The following FRY variants were observed in gnomAD, a reference collection of about 807,000 sequenced individuals.
FRY encodes protein furry homolog.
Under a neutral mutation model 348.4 loss-of-function variants are expected in FRY, and 128 were observed. The observed-to-expected ratio is 0.37, with a 90% CI of 0.32 to 0.43. The LOEUF (loss-of-function observed/expected upper bound fraction) is 0.43. Among genes scored for constraint, FRY ranks in the 20% least tolerant of loss-of-function variants. The pLI is 1.00. For missense variants in FRY, 2,736 were observed against 3,695.2 expected (o/e 0.74, Z 6.73); for synonymous variants, 1,370 against 1,374.7 (o/e 1.00, Z 0.08).
At chr13:32,093,543 T>G (rs1358515013) in intron 2 of FRY, among the ~76,000 whole-genome samples, 1 of 152,240 alleles carries the variant, frequency 6.6e-6, no homozygotes, top group Non-Finnish European at 1.5e-5. Flanking sequence ...AAATTGGAAA[T>G]TAGATAGAAA....
At chr13:32,193,957 T>C (rs1191886367) in intron 28 of FRY, among the ~76,000 whole-genome samples, 186 bp from the exon 29 acceptor site, 1 of 152,216 alleles carries the variant, frequency 6.6e-6, no homozygotes, top group Non-Finnish European at 1.5e-5. Flanking sequence ...TCAAATTTAA[T>C]GTATACATTT....
In FRY at chr13:32,165,154, A is replaced by C. The variant is rs9595045; in HGVS notation, c.1892+3903A>C. Among the ~76,000 whole-genome samples the C allele has an allele frequency of 3.7e-3, 571 of 152,322 alleles. 4 individuals are homozygous for C. The highest frequency in any genetic ancestry group is 0.013 in the African/African-American group (561 of 41,574). On this transcript the variant is annotated intron_variant, in intron 17 of 60. Transcript: ENST00000542859. The stretch of plus-strand genomic sequence containing the variant: ...TTGCCCAAATTTATAGAATTTTCCA[A>C]ATGTCATTGGTTTTATGCAAAATAA...
intron 41 of FRY, among the ~76,000 whole-genome samples, chr13:32,233,005 T>TA (rs113731882): frequency 2.1e-4 from 32 of 150,410 alleles, no homozygotes; most frequent in African/African-American, 3.4e-4. Flanking sequence ...CTTCCACATA[T>TA]AAAAAAAAAT....
In FRY at chr13:32,157,285, A is replaced by T; in HGVS notation, c.1664A>T (p.Tyr555Phe). ...EEAKMIGMSL[Y>F]YSQVRKAVDN... The stretch of plus-strand genomic sequence containing the variant: ...GCATGTTTTTCAGGCATGTCCTTAT[A>T]TTACTCTCAAGTACGAAAAGCTGTA... Residue 555 changes from tyrosine to phenylalanine, a missense_variant, in exon 16 of 61, where the codon TAT becomes TTT. This residue lies in a region of FRY where 191 missense variants were observed against 370.2 expected (regional missense o/e 0.52). Transcript: ENST00000542859. 6.2e-7 allele frequency: 1 copy of T among 1,612,426 alleles called. No homozygotes were observed. Among genetic ancestry groups the T allele is most frequent in the Non-Finnish European group, 8.5e-7 (1 of 1,178,642 alleles).
chr13:32,176,627 TG>T (rs1194693243), intron 20 of FRY, among the ~76,000 whole-genome samples: 6 of 152,226 alleles, frequency 3.9e-5, no homozygotes, highest in Non-Finnish European at 4.4e-5. Flanking sequence ...TGACATGGAA[TG>T]GAATACTAAG....
intron 4 of FRY, among the ~76,000 whole-genome samples, chr13:32,121,423 G>A (rs557601774): frequency 2.0e-5 from 3 of 152,104 alleles, no homozygotes; most frequent in East Asian, 1.9e-4. Context: ...CTGCATCCAC[G>A]CCAACATCTA....
chr13:32,250,116 G>A (rs1887002054), intron 49 of FRY, among the ~76,000 whole-genome samples: 1 of 152,168 alleles, frequency 6.6e-6, no homozygotes, highest in African/African-American at 2.4e-5. Flanking sequence ...CACGGAACAG[G>A]CACCTCAACC....
intron 55 of FRY, among the ~76,000 whole-genome samples, chr13:32,273,714 G>C (rs539620257): frequency 2.6e-5 from 4 of 152,114 alleles, no homozygotes; most frequent in Non-Finnish European, 5.9e-5. Context: ...CTGTCTCAAG[G>C]AGCTCTGATC....
intron 11 of FRY, among the ~76,000 whole-genome samples, chr13:32,145,888 T>C (rs937980648): frequency 3.3e-5 from 5 of 152,194 alleles, no homozygotes; most frequent in Non-Finnish European, 7.3e-5. Context: ...CTGGTCTCCC[T>C]GCCTCTGCTC....
In FRY at chr13:32,296,437, T is replaced by TCTTAAGTTCTCTCCTTAAA. The variant is rs1593866848; in HGVS notation, c.*983_*1001dup. 1 of 152,744 alleles carries TCTTAAGTTCTCTCCTTAAA rather than the reference T, an allele frequency of 6.5e-6. No homozygotes were observed. Among genetic ancestry groups the TCTTAAGTTCTCTCCTTAAA allele is most frequent in the East Asian group, 1.9e-4 (1 of 5,186 alleles). The allele number at this position is 152,744 out of a possible 1,614,324, so 9.5% of individuals were successfully genotyped here. On this transcript the variant is annotated 3_prime_UTR_variant, in exon 61 of 61. Coordinates refer to ENST00000542859, the MANE Select transcript of FRY (RefSeq NM_023037.3). ...GTGTAATATATATGTAAAGGGCCAT[T>TCTTAAGTTCTCTCCTTAAA]CTTAAGTTCTCTCCTTAAACTTAAT...
chr13:32,259,353 A>T (rs989648499), intron 51 of FRY, among the ~76,000 whole-genome samples: 2 of 152,160 alleles, frequency 1.3e-5, no homozygotes, highest in African/African-American at 4.8e-5. Flanking sequence ...TCTAATGGAG[A>T]TATTACACCT....
At chr13:32,056,894 T>C (rs988527329) in intron 1 of FRY, among the ~76,000 whole-genome samples, 1 of 152,140 alleles carries the variant, frequency 6.6e-6, no homozygotes, top group Non-Finnish European at 1.5e-5. Flanking sequence ...TTCTAAAACC[T>C]CAGTTTAGAG....
At chr13:32,145,260 A>T (rs1880330269) in intron 11 of FRY, among the ~76,000 whole-genome samples, 1 of 152,126 alleles carries the variant, frequency 6.6e-6, no homozygotes, top group Non-Finnish European at 1.5e-5. Flanking sequence ...TATAGAAAGG[A>T]TTATAATCGG....
chr13:32,208,810 G>C, intron 31 of FRY, 43 bp from the exon 32 acceptor site: 14 of 1,612,222 alleles, frequency 8.7e-6, no homozygotes, highest in Non-Finnish European at 1.2e-5. Context: ...TATTTTGGTG[G>C]AATAAGGTAT....
chr13:32,095,337 CTTTTTTTTTT>C (rs61006034), intron 2 of FRY, among the ~76,000 whole-genome samples: 2 of 58,290 alleles, frequency 3.4e-5, no homozygotes, highest in South Asian at 1.1e-3. Flanking sequence ...TGTATGGAAG[CTTTTTTTTTT>C]TTTTTTTTTT....
intron 58 of FRY, among the ~76,000 whole-genome samples, chr13:32,286,964 C>A (rs1001399160): frequency 2.6e-5 from 4 of 151,334 alleles, no homozygotes; most frequent in African/African-American, 9.7e-5. Context: ...TCGAGACCAG[C>A]CTGACCAACA....
At chr13:32,288,751 C>T (rs1889193760) in intron 58 of FRY, among the ~76,000 whole-genome samples, 2 of 152,312 alleles carry the variant, frequency 1.3e-5, no homozygotes, top group South Asian at 4.1e-4. Flanking sequence ...CTGGTGACTG[C>T]TGGCCATGAA....
At chr13:32,178,666 A>C (rs1882514989) in intron 21 of FRY, among the ~76,000 whole-genome samples, 178 bp from the exon 22 acceptor site, 1 of 152,208 alleles carries the variant, frequency 6.6e-6, no homozygotes, top group Non-Finnish European at 1.5e-5. Flanking sequence ...TTTAATGGTA[A>C]AAGATACTTT....
intron 21 of FRY, 134 bp downstream of exon 21, chr13:32,178,570 T>G: frequency 9.8e-7 from 1 of 1,017,898 alleles, no homozygotes. Context: ...TAACATTGAG[T>G]AAAAACATTA....
Sources: gnomAD v4.1 joint callset for allele counts (sites outside exome capture counted in the v4.1 genomes callset) on GRCh38, gnomAD v4.1.1 for gene constraint, gnomAD v4.1.1 regional missense constraint, MANE v1.5 for transcripts, NCBI Gene and HGNC (gene_info 2026-07-23, HGNC 2026-07-21) for gene names.